Variants in PLEKHA5 observed in about 807,000 individuals in gnomAD.
The protein encoded by PLEKHA5 is pleckstrin homology domain containing A5.
PLEKHA5 carries 55 observed loss-of-function variants against 181.9 expected under a neutral mutation model. That is an observed-to-expected ratio of 0.30 (90% CI 0.24 to 0.38). The LOEUF (loss-of-function observed/expected upper bound fraction) is 0.38, where lower values mean the gene tolerates loss of function less well. Ranked by LOEUF, PLEKHA5 falls within the 10% of genes least tolerant of loss-of-function variation. The pLI, the probability that PLEKHA5 is intolerant of heterozygous loss-of-function variation, is 1.00. For synonymous variants in PLEKHA5, 535 were observed against 529.4 expected (o/e 1.01, Z -0.15); for missense variants, 1,432 against 1,549.5 (o/e 0.92, Z 1.27).
chr12:19,170,916 C>T (rs2045748946), intron 3 of PLEKHA5, among the ~76,000 whole-genome samples: 1 of 152,212 alleles, frequency 6.6e-6, no homozygotes, highest in Non-Finnish European at 1.5e-5. Context: ...AGTTGTAAAA[C>T]TCTTGTTTAT....
chr12:19,331,178 T>A (rs559485413), intron 20 of PLEKHA5, among the ~76,000 whole-genome samples: 110 of 152,318 alleles, frequency 7.2e-4, no homozygotes, highest in African/African-American at 2.6e-3. Flanking sequence ...CAATATTTAC[T>A]TGATTATTTT....
At chr12:19,251,019 C>A (rs1055961661) in intron 3 of PLEKHA5, among the ~76,000 whole-genome samples, 1 of 152,072 alleles carries the variant, frequency 6.6e-6, no homozygotes, top group Non-Finnish European at 1.5e-5. Context: ...TGAAAAAGAC[C>A]CGCATTTTGC....
intron 3 of PLEKHA5, among the ~76,000 whole-genome samples, chr12:19,161,568 A>G (rs1414563898): frequency 1.3e-5 from 2 of 152,164 alleles, no homozygotes; most frequent in African/African-American, 4.8e-5. Flanking sequence ...ATTATAATTT[A>G]CAGCTTCTCA....
Position 19,284,598 on chromosome 12 carries a change from T to A in PLEKHA5, c.1779+853T>A, listed in dbSNP as rs576980140. On this transcript the variant is annotated intron_variant, in intron 12 of 31. Transcript: ENST00000429027. The stretch of plus-strand genomic sequence containing the variant: ...ATACATTTTAAAAATGGAGATCATG[T>A]TTTACTTTGTATATTAAGTTGGTTT... 5.9e-5 allele frequency among the ~76,000 whole-genome samples: 9 copies of A among 152,368 alleles called. No individual in the cohort carries two copies. The East Asian group carries it at 1.7e-3, about 29-fold the overall frequency.
chr12:19,315,757 C>T (rs964940760), intron 16 of PLEKHA5, among the ~76,000 whole-genome samples: 3 of 151,854 alleles, frequency 2.0e-5, no homozygotes, highest in Admixed American at 6.6e-5. Context: ...ATATAAGGCA[C>T]CTAGTAAAAA....
chr12:19,327,637 CTT>C (rs1565621940), intron 20 of PLEKHA5, among the ~76,000 whole-genome samples: 2 of 27,142 alleles, frequency 7.4e-5, no homozygotes, highest in South Asian at 1.6e-3. Flanking sequence ...TTACTTTTTT[CTT>C]TTTTCTTTTT....
intron 3 of PLEKHA5, among the ~76,000 whole-genome samples, chr12:19,234,640 A>G (rs1031313258): frequency 9.2e-5 from 14 of 152,132 alleles, no homozygotes; most frequent in Non-Finnish European, 1.8e-4. Context: ...TTATGCAAAC[A>G]TTGTGCTGCA....
At chr12:19,253,415 G>T (rs965418446) in intron 3 of PLEKHA5, among the ~76,000 whole-genome samples, 3 of 151,808 alleles carry the variant, frequency 2.0e-5, no homozygotes, top group Admixed American at 1.3e-4. Flanking sequence ...AAAAAGGATT[G>T]AGGCCAGACT....
chr12:19,345,964 T>TAC (rs1415118191), intron 23 of PLEKHA5, 76 bp downstream of exon 23: 2 of 687,966 alleles, frequency 2.9e-6, no homozygotes, highest in African/African-American at 3.7e-5. Context: ...TTGTCTTCTC[T>TAC]AATCTTAATA....
intron 11 of PLEKHA5, among the ~76,000 whole-genome samples, chr12:19,278,114 T>C (rs1213427990): frequency 6.6e-6 from 1 of 152,232 alleles, no homozygotes; most frequent in East Asian, 1.9e-4. Flanking sequence ...GCTAGAAATA[T>C]ATGGGATAAA....
chr12:19,265,158 G>A (rs142365773), intron 7 of PLEKHA5, among the ~76,000 whole-genome samples: 109 of 152,202 alleles, frequency 7.2e-4, no homozygotes, highest in African/African-American at 2.1e-3. Flanking sequence ...TTCACATGTC[G>A]TCTTCATTTA....
At chr12:19,248,005 A>G (rs1255825655) in intron 3 of PLEKHA5, among the ~76,000 whole-genome samples, 1 of 151,718 alleles carries the variant, frequency 6.6e-6, no homozygotes, top group East Asian at 1.9e-4. Flanking sequence ...ATCATAGCTC[A>G]CTGCAGCCTC....
At chr12:19,275,439 T>C (rs1449065811) in intron 11 of PLEKHA5, among the ~76,000 whole-genome samples, 1 of 152,164 alleles carries the variant, frequency 6.6e-6, no homozygotes, top group African/African-American at 2.4e-5. Flanking sequence ...AGTCTTATTC[T>C]TGGGCTTTCT....
intron 3 of PLEKHA5, among the ~76,000 whole-genome samples, chr12:19,171,966 C>G (rs1324899621): frequency 6.6e-6 from 1 of 152,168 alleles, no homozygotes; most frequent in African/African-American, 2.4e-5. Context: ...GAGCTGTCAT[C>G]TCTTGTGATA....
chr12:19,322,516 A>C lies in PLEKHA5; in HGVS notation c.2299-2A>C, dbSNP rs1256238360. On this transcript the variant is annotated splice_acceptor_variant, in intron 19 of 31. Coordinates refer to ENST00000429027, the MANE Select transcript of PLEKHA5 (RefSeq NM_001256470.2). LOFTEE classifies it high-confidence loss of function. Reference sequence around the variant, plus strand: ...TAAGTGTAATTCTTTTTATCATAATAGTACACGCTTGAGCAAGCTTTGCTA... The same window carrying C: ...TAAGTGTAATTCTTTTTATCATAATCGTACACGCTTGAGCAAGCTTTGCTA... 6.2e-7 allele frequency: 1 copy of C among 1,613,612 alleles called. No homozygotes were observed. The highest frequency in any genetic ancestry group is 8.5e-7 in the Non-Finnish European group (1 of 1,179,536).
rs35536570 is a variant in PLEKHA5 at position 19,253,064 on chromosome 12, CTTT to C, written c.228-852_228-850del. Among the ~76,000 whole-genome samples, 268 of 45,852 alleles carry C rather than the reference CTTT, an allele frequency of 5.8e-3. 4 individuals are homozygous for C. The highest frequency in any genetic ancestry group is 7.6e-3 in the South Asian group (7 of 920). 30.1% of individuals were successfully genotyped at this position (45,852 alleles called of 152,430 possible). A position where few individuals can be genotyped will look rare whatever the true frequency, so the allele number is the denominator to read the frequency against. On this transcript the variant is annotated intron_variant, in intron 3 of 31. Coordinates refer to ENST00000429027, the MANE Select transcript of PLEKHA5 (RefSeq NM_001256470.2). ...GAGCTAAACAGCCAAATCAACTTAC[CTTT>C]TTTTTTTTTTTTTTTTTTTTTTTGG...
chr12:19,242,664 T>C (rs1320992022), intron 3 of PLEKHA5, among the ~76,000 whole-genome samples: 1 of 151,326 alleles, frequency 6.6e-6, no homozygotes. Flanking sequence ...GAGCTTTTTA[T>C]GTTTTGAACA....
rs1446969554 is a variant in PLEKHA5, at chr12:19,358,238, G to C, written c.3149G>C (p.Arg1050Thr). 4 of 1,611,904 alleles carry C rather than the reference G, an allele frequency of 2.5e-6. No individual in the cohort carries two copies. The highest frequency in any genetic ancestry group is 3.4e-6 in the Non-Finnish European group (4 of 1,178,272). Residue 1050 changes from arginine (R) to threonine (T), a missense_variant, in exon 27 of 32, where the codon AGA becomes ACA. By Grantham distance (71) the Arg-to-Thr change is moderately conservative. Transcript: ENST00000429027. ...KMMDLRTERP[R>T]SAVEQLCLAE... ...ATTTTTACATTGAAGGAAAGACCAA[G>C]AAGTGCAGTGGAACAGCTCTGTTTG...
In PLEKHA5 at chr12:19,369,742, C is replaced by T. The variant is rs749833388; in HGVS notation, c.3804C>T (p.Ser1268=). ...SPESSASPVP[S]TQPQLTEGSH... ...AGTCCTCGGCATCGCCAGTTCCATC[C>T]ACTCAGCCGCAGCTCACAGAAGGAT... The change falls in exon 31 of 32, where the codon TCC becomes TCT. Residue 1268 remains serine (S), a synonymous_variant. Coordinates refer to ENST00000429027, the MANE Select transcript of PLEKHA5 (RefSeq NM_001256470.2). 1.2e-5 allele frequency: 19 copies of T among 1,612,776 alleles called. No individual in the cohort carries two copies. The East Asian group carries it at 4.2e-4, about 36-fold the overall frequency.
Sources: gnomAD v4.1 joint callset for allele counts (sites outside exome capture counted in the v4.1 genomes callset) on GRCh38, gnomAD v4.1.1 for gene constraint, MANE v1.5 for transcripts, NCBI Gene and HGNC (gene_info 2026-07-23, HGNC 2026-07-21) for gene names.